Variants in ARFGAP3 observed in about 807,000 individuals in gnomAD.
ARFGAP3 encodes the protein ADP-ribosylation factor GTPase-activating protein 3.
In ARFGAP3, 72 loss-of-function variants were observed where a neutral mutation model predicts 75.0. The observed-to-expected ratio is 0.96, with a 90% CI of 0.79 to 1.17. The LOEUF (loss-of-function observed/expected upper bound fraction) is 1.17. Ranked by LOEUF, ARFGAP3 falls within the 50% of genes most tolerant of loss-of-function variation. The pLI, the probability that ARFGAP3 is intolerant of heterozygous loss-of-function variation, is 0.00. For synonymous variants in ARFGAP3, 221 were observed against 217.9 expected (o/e 1.01, Z -0.13); for missense variants, 620 against 626.6 (o/e 0.99, Z 0.11).
At chr22:42,800,617 G>A (rs1354630318) in intron 14 of ARFGAP3, among the ~76,000 whole-genome samples, 1 of 152,206 alleles carries the variant, frequency 6.6e-6, no homozygotes, top group Admixed American at 6.5e-5. Context: ...TCCCTTGGAA[G>A]AGACACTGCA....
rs139770435 is a variant in ARFGAP3, at chr22:42,830,119, TTTC to T, written c.565+1427_565+1429del. On this transcript the variant is annotated intron_variant, in intron 6 of 15. Coordinates refer to ENST00000263245, the MANE Select transcript of ARFGAP3 (RefSeq NM_014570.5). The stretch of plus-strand genomic sequence containing the variant: ...TACAAAGGAAGCGACTCCTTTTCTT[TTTC>T]TTCTTATTTTTTTTAGAGTCCGGGT... Among the ~76,000 whole-genome samples the T allele has an allele frequency of 5.9e-5, 9 of 152,304 alleles. No homozygotes were observed. The East Asian group carries it at 1.2e-3, about 20-fold the overall frequency.
In ARFGAP3 at chr22:42,847,555, T is replaced by C. The variant is rs776536570; in HGVS notation, c.147A>G (p.Ser49=). Residue 49 remains serine, a synonymous_variant, in exon 2 of 16, where the codon TCA becomes TCG. Coordinates refer to ENST00000263245, the MANE Select transcript of ARFGAP3 (RefSeq NM_014570.5). The stretch of plus-strand genomic sequence containing the variant: ...GAACACCAAGTGACCGGTGGGACCC[T>C]GAGCAATCAATGCAAAGGAACACTC... The part of the protein sequence containing the change: ...TYGVFLCIDC[S]GSHRSLGVHL... 1 of 1,613,796 alleles carries C rather than the reference T, an allele frequency of 6.2e-7. No homozygotes were observed.
At position 42,831,648 on chromosome 22, in the gene ARFGAP3, C is replaced by T. The variant is rs200580238; in HGVS notation, c.478-12G>A. 8 of 1,613,220 alleles carry T rather than the reference C, an allele frequency of 5.0e-6. No homozygotes were observed. Among genetic ancestry groups the T allele is most frequent in the South Asian group, 2.2e-5 (2 of 90,988 alleles). On this transcript the variant is annotated splice_polypyrimidine_tract_variant and intron_variant, in intron 5 of 15. Coordinates refer to ENST00000263245, the MANE Select transcript of ARFGAP3 (RefSeq NM_014570.5). Reference sequence around the variant, plus strand: ...GCTGTGTCACTCACCTGAAACAAGGCGAGAAAAGTCATTAGCAGACAAAGC... The same window carrying T: ...GCTGTGTCACTCACCTGAAACAAGGTGAGAAAAGTCATTAGCAGACAAAGC...
chr22:42,805,816 C>T (rs1028936324), intron 14 of ARFGAP3, among the ~76,000 whole-genome samples: 1 of 152,204 alleles, frequency 6.6e-6, no homozygotes, highest in African/African-American at 2.4e-5. Flanking sequence ...CCACTCTGGC[C>T]CTGGCCTCTG....
chr22:42,828,161 G>A (rs1047471711), intron 6 of ARFGAP3, among the ~76,000 whole-genome samples: 6 of 151,264 alleles, frequency 4.0e-5, no homozygotes, highest in Non-Finnish European at 5.9e-5. Flanking sequence ...GGTGGCTCAC[G>A]CCTGTAATCC....
chr22:42,845,470 G>A (rs1344978210), intron 2 of ARFGAP3, among the ~76,000 whole-genome samples: 2 of 149,930 alleles, frequency 1.3e-5, no homozygotes, highest in East Asian at 3.9e-4. Flanking sequence ...AAGTTGAGGT[G>A]AGCCAAGATC....
At chr22:42,848,633 C>T (rs1031290781) in intron 1 of ARFGAP3, among the ~76,000 whole-genome samples, 1 of 152,156 alleles carries the variant, frequency 6.6e-6, no homozygotes, top group East Asian at 1.9e-4. Context: ...TAAAGGAATG[C>T]TAGTGAGGGA....
chr22:42,847,689 G>A (rs1234374891), intron 1 of ARFGAP3, 57 bp from the exon 2 acceptor site: 1 of 1,572,906 alleles, frequency 6.4e-7, no homozygotes, highest in Non-Finnish European at 8.7e-7. Flanking sequence ...AAATTATCCT[G>A]TAAGATACAG....
chr22:42,819,421 C>T (rs1013081856), intron 9 of ARFGAP3, among the ~76,000 whole-genome samples: 1 of 152,180 alleles, frequency 6.6e-6, no homozygotes, highest in Non-Finnish European at 1.5e-5. Flanking sequence ...GGTAATCTGA[C>T]ATGGACTGGG....
At chr22:42,810,196 G>A (rs1029188745) in intron 12 of ARFGAP3, among the ~76,000 whole-genome samples, 2 of 151,990 alleles carry the variant, frequency 1.3e-5, no homozygotes, top group Non-Finnish European at 2.9e-5. Context: ...GGCTGGGCAC[G>A]GTGGCTCACA....
intron 2 of ARFGAP3, among the ~76,000 whole-genome samples, chr22:42,845,290 C>T (rs1328637551): frequency 1.3e-5 from 2 of 149,098 alleles, no homozygotes; most frequent in Non-Finnish European, 3.0e-5. Flanking sequence ...TTTGGGAGGC[C>T]GAGGCGGGCA....
At chr22:42,853,043 C>T (rs955634677) in intron 1 of ARFGAP3, among the ~76,000 whole-genome samples, 3 of 152,198 alleles carry the variant, frequency 2.0e-5, no homozygotes, top group Admixed American at 6.5e-5. Context: ...GGGTTACAGG[C>T]GTGAGCCACC....
intron 12 of ARFGAP3, 160 bp from the exon 13 acceptor site, chr22:42,809,050 T>C (rs955947425): frequency 4.8e-5 from 27 of 567,094 alleles, no homozygotes; most frequent in South Asian, 7.7e-5. Flanking sequence ...AAAAAAAGAA[T>C]AAATACCCAA....
At chr22:42,824,030 AC>A (rs1248540862) in intron 7 of ARFGAP3, among the ~76,000 whole-genome samples, 2 of 134,652 alleles carry the variant, frequency 1.5e-5, no homozygotes, top group Non-Finnish European at 3.4e-5. Flanking sequence ...TATTACAACA[AC>A]TTTTTTTTTT....
chr22:42,810,986 T>C lies in ARFGAP3; in HGVS notation c.1065-42A>G, dbSNP rs766613878. The C allele has an allele frequency of 5.6e-6, 9 of 1,603,636 alleles. No homozygotes were observed. The Admixed American group carries it at 6.9e-5, about 12-fold the overall frequency. Reference sequence around the variant, plus strand: ...ACAACAGTGACTTTGGAGGTCCTTGTTGACACTCGTCCTGGGCTCTCTCAC... The same window carrying C: ...ACAACAGTGACTTTGGAGGTCCTTGCTGACACTCGTCCTGGGCTCTCTCAC... On this transcript the variant is annotated intron_variant, in intron 11 of 15. Transcript: ENST00000263245.
intron 11 of ARFGAP3, 62 bp downstream of exon 11, chr22:42,817,080 T>G: frequency 8.5e-7 from 1 of 1,173,310 alleles, no homozygotes; most frequent in Non-Finnish European, 1.3e-6. Flanking sequence ...AATAAACTAA[T>G]AAATCCATAC....
intron 9 of ARFGAP3, among the ~76,000 whole-genome samples, chr22:42,818,488 T>G (rs921009244): frequency 6.6e-6 from 1 of 152,182 alleles, no homozygotes; most frequent in Non-Finnish European, 1.5e-5. Flanking sequence ...ATCAAATATC[T>G]GCTACAAGCA....
chr22:42,823,521 A>G (rs565334616), intron 8 of ARFGAP3, 135 bp downstream of exon 8: 1 of 588,586 alleles, frequency 1.7e-6, no homozygotes, highest in East Asian at 3.4e-5. Context: ...CTCTTTGAAC[A>G]AAACATAGAC....
chr22:42,818,585 A>G (rs763889222), intron 9 of ARFGAP3, among the ~76,000 whole-genome samples: 4 of 152,168 alleles, frequency 2.6e-5, no homozygotes, highest in Non-Finnish European at 5.9e-5. Flanking sequence ...TTTTTCATAA[A>G]GAAAACTATG....
Sources: allele counts gnomAD v4.1 joint callset (sites outside exome capture counted in the v4.1 genomes callset), GRCh38; gene constraint gnomAD v4.1.1; transcripts MANE v1.5; gene names NCBI Gene and HGNC (gene_info 2026-07-23, HGNC 2026-07-21).